The following MYH9 variants were observed in gnomAD, a reference collection of about 807,000 sequenced individuals.
The protein encoded by MYH9 is myosin-9.
In MYH9, 29 loss-of-function variants were observed where a neutral mutation model predicts 241.9. The observed-to-expected ratio is 0.12, with a 90% CI of 0.09 to 0.16. The LOEUF (loss-of-function observed/expected upper bound fraction) is 0.16. MYH9 is among the 10% of genes least tolerant of loss of function. The pLI, the probability that MYH9 is intolerant of heterozygous loss-of-function variation, is 1.00. For synonymous variants in MYH9, 1,047 were observed against 1,062.6 expected, an observed-to-expected ratio of 0.99 and a Z score of 0.29; for missense variants, 1,803 against 2,595.5, an observed-to-expected ratio of 0.69 and a Z score of 6.63.
intron 20 of MYH9, 159 bp from the exon 21 acceptor site, chr22:36,301,824 C>G (rs1360476704): frequency 3.2e-6 from 3 of 939,728 alleles, no homozygotes; most frequent in East Asian, 5.3e-5. Flanking sequence ...TCCTGGCGCT[C>G]TGTACCACGG....
chr22:36,323,642 T>C (rs1177262360), intron 5 of MYH9, among the ~76,000 whole-genome samples: 1 of 152,134 alleles, frequency 6.6e-6, no homozygotes, highest in Non-Finnish European at 1.5e-5. Context: ...GAGACCCATC[T>C]GCAGGGCACC....
In MYH9 at chr22:36,288,320, G is replaced by A. The variant is rs1474203196; in HGVS notation, c.4864C>T (p.Leu1622=). ...RKKLEMDLKD[L]EAHIDSANKN... Reference sequence around the variant, plus strand: ...TTGGCCGAGTCGATGTGCGCCTCCAGGTCCTTCAGGTCCATCTCCAGCTTC... The same window carrying A: ...TTGGCCGAGTCGATGTGCGCCTCCAAGTCCTTCAGGTCCATCTCCAGCTTC... The change falls in exon 34 of 41, where the codon CTG becomes TTG. Residue 1622 remains leucine (L), a synonymous_variant. Coordinates refer to ENST00000216181, the MANE Select transcript of MYH9 (RefSeq NM_002473.6). This position sits in a 1 kb window ranked among gnomAD's most constrained non-coding sequence, Gnocchi z 4.8. 5.0e-6 allele frequency: 8 copies of A among 1,614,006 alleles called. No homozygotes were observed. The highest frequency in any genetic ancestry group is 6.8e-6 in the Non-Finnish European group (8 of 1,180,054).
Position 36,306,438 on chromosome 22 carries a change from G to A in MYH9, c.2013C>T (p.Cys671=). Residue 671 remains cysteine, a synonymous_variant, in exon 16 of 41, where the codon TGC becomes TGT. Coordinates refer to ENST00000216181, the MANE Select transcript of MYH9 (RefSeq NM_002473.6). This position sits in a 1 kb window ranked among gnomAD's most constrained non-coding sequence, Gnocchi z 4.1. ...CCTTCTTCTCGTGGTTGGGGATGAT[G>A]CAGCGGACAAAGTTGGGGTTCGTGT... ...LRNTNPNFVR[C]IIPNHEKKAG... is the part of the protein sequence containing the mutation. 6.2e-7 allele frequency: 1 copy of A among 1,614,126 alleles called. No individual in the cohort carries two copies. The highest frequency in any genetic ancestry group is 2.2e-5 in the East Asian group (1 of 44,880).
In MYH9 at chr22:36,288,435, A is replaced by G; in HGVS notation, c.4771-22T>C. ...GCACCTGGGGGAAGGAACATCAACA[A>G]CTTGGGAAGCTGGACCCACTGGGAG... is the stretch of plus-strand genomic sequence containing the variant. On this transcript the variant is annotated intron_variant, in intron 33 of 40. Coordinates refer to ENST00000216181, the MANE Select transcript of MYH9 (RefSeq NM_002473.6). This position sits in a 1 kb window ranked among gnomAD's most constrained non-coding sequence, Gnocchi z 4.8. The G allele has an allele frequency of 1.2e-6, 2 of 1,605,178 alleles. No individual in the cohort carries two copies. Among genetic ancestry groups the G allele is most frequent in the East Asian group, 2.2e-5 (1 of 44,820 alleles).
chr22:36,326,571 G>A lies in MYH9; in HGVS notation c.609C>T (p.Asp203=). The part of the protein sequence containing the change: ...YVASSHKSKK[D]QGELERQLLQ... ...GGACAAGGGCTGCAGCACTCACCTG[G>A]TCCTTCTTGCTCTTGTGCGAGGACG... is the stretch of plus-strand genomic sequence containing the variant. Residue 203 remains aspartate, a synonymous_variant, in exon 5 of 41, where the codon GAC becomes GAT. Coordinates refer to ENST00000216181, the MANE Select transcript of MYH9 (RefSeq NM_002473.6). 6.2e-7 allele frequency: 1 copy of A among 1,614,138 alleles called. No individual in the cohort carries two copies. Among genetic ancestry groups the A allele is most frequent in the Non-Finnish European group, 8.5e-7 (1 of 1,179,964 alleles).
At chr22:36,362,385 G>T (rs2146407240) in intron 1 of MYH9, among the ~76,000 whole-genome samples, 1 of 152,250 alleles carries the variant, frequency 6.6e-6, no homozygotes, top group Admixed American at 6.5e-5. Context: ...AGCATCTTAG[G>T]CACAGATCTC....
intron 19 of MYH9, among the ~76,000 whole-genome samples, 190 bp from the exon 20 acceptor site, chr22:36,302,866 G>A (rs1384472504): frequency 6.6e-6 from 1 of 152,214 alleles, no homozygotes; most frequent in Non-Finnish European, 1.5e-5. Flanking sequence ...GTGACTCCAT[G>A]AGGCACTAAT....
At chr22:36,353,387 G>C (rs2017803438) in intron 1 of MYH9, among the ~76,000 whole-genome samples, 1 of 151,992 alleles carries the variant, frequency 6.6e-6, no homozygotes, top group African/African-American at 2.4e-5. Flanking sequence ...TTGAGACAGA[G>C]ACTCACTCTG....
At chr22:36,351,342 G>A (rs2017762406) in intron 1 of MYH9, among the ~76,000 whole-genome samples, 2 of 152,180 alleles carry the variant, frequency 1.3e-5, no homozygotes, top group Admixed American at 1.3e-4. Context: ...CATCCACTCT[G>A]CAAGGACCAC....
chr22:36,286,385 T>C (rs551963632), intron 35 of MYH9, among the ~76,000 whole-genome samples: 1 of 152,126 alleles, frequency 6.6e-6, no homozygotes, highest in South Asian at 2.1e-4. Flanking sequence ...TGGGAAACAC[T>C]TCAGGACGGG....
intron 1 of MYH9, among the ~76,000 whole-genome samples, chr22:36,361,807 C>T (rs2017939563): frequency 6.6e-6 from 1 of 152,198 alleles, no homozygotes; most frequent in Non-Finnish European, 1.5e-5. Context: ...TACGGTGGCT[C>T]ACGCCTGTAA....
chr22:36,292,523 A>C (rs1272435840), intron 30 of MYH9, among the ~76,000 whole-genome samples: 1 of 152,170 alleles, frequency 6.6e-6, no homozygotes, highest in Non-Finnish European at 1.5e-5. Flanking sequence ...TGCTCTACGG[A>C]GACTGCTCCC....
intron 1 of MYH9, among the ~76,000 whole-genome samples, chr22:36,351,662 C>T (rs1176073680): frequency 6.6e-6 from 1 of 152,118 alleles, no homozygotes; most frequent in Non-Finnish European, 1.5e-5. Flanking sequence ...CAAAGTCTCC[C>T]CATCGCGCCC....
intron 34 of MYH9, among the ~76,000 whole-genome samples, chr22:36,287,480 A>C (rs2016605573): frequency 6.6e-6 from 1 of 151,776 alleles, no homozygotes; most frequent in South Asian, 2.1e-4. Context: ...GCAGTGGCTC[A>C]TGCTTGTAAT....
chr22:36,298,873 T>G lies in MYH9; in HGVS notation c.3100+46A>C, dbSNP rs767915152. 6.2e-6 allele frequency: 10 copies of G among 1,609,246 alleles called. No individual in the cohort carries two copies. The Admixed American group carries it at 1.5e-4, about 24-fold the overall frequency. ...AGGCCGGCCCCTGACCGCCAGCCCTTGCCCGCCAGCCCCTGCCCATCACCT... is the reference window on the plus strand; with the variant it reads ...AGGCCGGCCCCTGACCGCCAGCCCTGGCCCGCCAGCCCCTGCCCATCACCT... On this transcript the variant is annotated intron_variant, in intron 24 of 40. Coordinates refer to ENST00000216181, the MANE Select transcript of MYH9 (RefSeq NM_002473.6).
At chr22:36,387,525 G>A (rs1399545238) in intron 1 of MYH9, among the ~76,000 whole-genome samples, 3 of 151,826 alleles carry the variant, frequency 2.0e-5, no homozygotes, top group African/African-American at 2.4e-5. Context: ...AGACCGCGCC[G>A]GGGGACACGG....
chr22:36,361,761 A>T (rs916985098), intron 1 of MYH9, among the ~76,000 whole-genome samples: 1 of 152,166 alleles, frequency 6.6e-6, no homozygotes, highest in Non-Finnish European at 1.5e-5. Context: ...CAGAGGTGAC[A>T]TCAGATTTGT....
chr22:36,348,711 T>A (rs1040534540), intron 2 of MYH9, among the ~76,000 whole-genome samples, 193 bp downstream of exon 2: 1 of 152,040 alleles, frequency 6.6e-6, no homozygotes, highest in South Asian at 2.1e-4. Context: ...GGGAAAAGAA[T>A]AATGCTATAA....
chr22:36,385,080 T>C (rs1292292471), intron 1 of MYH9, among the ~76,000 whole-genome samples: 5 of 152,140 alleles, frequency 3.3e-5, no homozygotes, highest in African/African-American at 9.7e-5. Context: ...GGACGTTTGT[T>C]TAATTACGAC....
Sources: gnomAD v4.1 joint callset for allele counts (sites outside exome capture counted in the v4.1 genomes callset) on GRCh38, gnomAD v4.1.1 for gene constraint, Gnocchi (gnomAD v3.1) non-coding constraint, MANE v1.5 for transcripts, NCBI Gene and HGNC (gene_info 2026-07-23, HGNC 2026-07-21) for gene names.